The following SV2C variants were observed in gnomAD, a reference collection of about 807,000 sequenced individuals.
The protein encoded by SV2C is solute carrier family 22 member B3.
Under a neutral mutation model 79.7 loss-of-function variants are expected in SV2C, and 49 were observed. That is an observed-to-expected ratio of 0.61 (90% CI 0.49 to 0.78). SV2C has a LOEUF of 0.78. SV2C is among the 30% of genes least tolerant of loss of function. The probability of loss-of-function intolerance (pLI) is 0.00; values close to 1 mark genes in which losing one functional copy is unlikely to be tolerated. For synonymous variants in SV2C, 334 were observed against 333.2 expected (o/e 1.00, Z -0.03); for missense variants, 833 against 912.9 (o/e 0.91, Z 1.13).
chr5:76,051,891 T>C, the SV2C span, among the ~76,000 whole-genome samples: 1 of 152,214 alleles, frequency 6.6e-6, no homozygotes, highest in Non-Finnish European at 1.5e-5. Flanking sequence ...ATTGAAAAAG[T>C]AAACTTGTGA....
At chr5:76,039,439 A>G in the SV2C span, among the ~76,000 whole-genome samples, 4 of 152,170 alleles carry the variant, frequency 2.6e-5, no homozygotes, top group Non-Finnish European at 5.9e-5. Flanking sequence ...GATCTTAACT[A>G]GCCCAACACC....
intron 2 of SV2C, among the ~76,000 whole-genome samples, chr5:76,155,750 C>T (rs1301868707): frequency 6.6e-6 from 1 of 151,952 alleles, no homozygotes; most frequent in Non-Finnish European, 1.5e-5. Flanking sequence ...CCACTGAGAA[C>T]TCAGCTATAA....
At chr5:76,093,356 G>C (rs1747441760) in intron 1 of SV2C, among the ~76,000 whole-genome samples, 2 of 152,168 alleles carry the variant, frequency 1.3e-5, no homozygotes, top group African/African-American at 4.8e-5. Flanking sequence ...CAGTGGACAT[G>C]CGAGTGGTGT....
the SV2C span, among the ~76,000 whole-genome samples, chr5:75,975,665 A>C: frequency 6.6e-6 from 1 of 152,192 alleles, no homozygotes; most frequent in African/African-American, 2.4e-5. Context: ...TCTGGTTTCT[A>C]GGCGTAAAAG....
the SV2C span, among the ~76,000 whole-genome samples, chr5:76,038,924 A>G: frequency 7.8e-4 from 119 of 152,352 alleles, 3 homozygotes; most frequent in African/African-American, 2.7e-3. Context: ...GGAAACTTCA[A>G]TCAGGTCTCC....
chr5:76,147,885 A>G (rs1749488248), intron 2 of SV2C, among the ~76,000 whole-genome samples: 1 of 152,196 alleles, frequency 6.6e-6, no homozygotes, highest in Non-Finnish European at 1.5e-5. Flanking sequence ...TACATAATTT[A>G]AACGCTTCCT....
the SV2C span, among the ~76,000 whole-genome samples, chr5:75,985,629 G>A: frequency 6.6e-6 from 1 of 151,908 alleles, no homozygotes; most frequent in Admixed American, 6.6e-5. Flanking sequence ...AGTTAGACTA[G>A]AGTCCATTCC....
intron 1 of SV2C, among the ~76,000 whole-genome samples, chr5:76,131,088 T>C (rs1748873170): frequency 6.6e-6 from 1 of 152,174 alleles, no homozygotes; most frequent in Non-Finnish European, 1.5e-5. Context: ...TGAGTCTCTG[T>C]TACCATTTGT....
the SV2C span, among the ~76,000 whole-genome samples, chr5:76,055,023 T>C: frequency 6.6e-6 from 1 of 152,306 alleles, no homozygotes; most frequent in East Asian, 1.9e-4. Context: ...TTTGTCAGTA[T>C]TGGCTTTTAT....
the SV2C span, among the ~76,000 whole-genome samples, chr5:75,850,641 A>C: frequency 6.6e-6 from 1 of 152,064 alleles, no homozygotes; most frequent in Non-Finnish European, 1.5e-5. Context: ...GTATAATAAA[A>C]AAAAAAGCAT....
At chr5:76,336,292 C>G (rs1383060450), downstream of SV2C, among the ~76,000 whole-genome samples, 1 of 145,450 alleles carries the variant, frequency 6.9e-6, no homozygotes, top group Non-Finnish European at 1.5e-5. Flanking sequence ...ACCTCTCAGA[C>G]GGGGCGGCCG....
intron 3 of SV2C, among the ~76,000 whole-genome samples, chr5:76,203,312 G>A (rs1744508929): frequency 6.6e-6 from 1 of 151,364 alleles, no homozygotes; most frequent in South Asian, 2.1e-4. Flanking sequence ...TGGATAGAGG[G>A]ATAATGGGTG....
chr5:76,204,379 G>A (rs1744546104), intron 3 of SV2C, among the ~76,000 whole-genome samples: 1 of 152,126 alleles, frequency 6.6e-6, no homozygotes, highest in South Asian at 2.1e-4. Context: ...TATAAAAGCT[G>A]CCAGAGTCAG....
At chr5:76,209,400 T>C (rs990020895) in intron 3 of SV2C, among the ~76,000 whole-genome samples, 1 of 152,206 alleles carries the variant, frequency 6.6e-6, no homozygotes, top group African/African-American at 2.4e-5. Flanking sequence ...AGGAAATCAA[T>C]GTAAGTTTTG....
chr5:76,059,365 G>C, the SV2C span, among the ~76,000 whole-genome samples: 1 of 152,108 alleles, frequency 6.6e-6, no homozygotes, highest in Non-Finnish European at 1.5e-5. Context: ...TTTCAAAACT[G>C]AGGCAAATTC....
chr5:76,004,975 G>A, the SV2C span, among the ~76,000 whole-genome samples: 3 of 152,142 alleles, frequency 2.0e-5, no homozygotes, highest in African/African-American at 7.2e-5. Flanking sequence ...GAGTGAGCAC[G>A]ACCTAAATCT....
the SV2C span, among the ~76,000 whole-genome samples, chr5:76,058,869 G>A: frequency 3.3e-5 from 5 of 152,004 alleles, no homozygotes; most frequent in Admixed American, 1.3e-4. Context: ...ACTTTACTAT[G>A]ATCTTTCGCA....
At chr5:75,858,816 G>A in the SV2C span, among the ~76,000 whole-genome samples, 87 of 152,052 alleles carry the variant, frequency 5.7e-4, no homozygotes, top group Middle Eastern at 6.8e-3. Flanking sequence ...TTTCTTCATG[G>A]TTCACTCTTG....
At chr5:76,249,254 C>G (rs1295013931) in intron 4 of SV2C, among the ~76,000 whole-genome samples, 1 of 152,164 alleles carries the variant, frequency 6.6e-6, no homozygotes, top group Admixed American at 6.5e-5. Context: ...ATTAGCAGCA[C>G]TTCTGAGTTT....
Sources: allele counts gnomAD v4.1 joint callset (sites outside exome capture counted in the v4.1 genomes callset), GRCh38; gene constraint gnomAD v4.1.1; transcripts MANE v1.5; gene names NCBI Gene and HGNC (gene_info 2026-07-23, HGNC 2026-07-21).